The following TXLNB variants were observed in gnomAD, a reference collection of about 807,000 sequenced individuals.
The protein encoded by TXLNB is beta-taxilin.
In TXLNB, 37 loss-of-function variants were observed where a neutral mutation model predicts 57.4. The ratio of observed to expected loss-of-function variants is 0.64; its 90% CI spans 0.50 to 0.85. TXLNB has a LOEUF of 0.85. Among genes scored for constraint, TXLNB ranks in the 40% least tolerant of loss-of-function variants. The pLI is 0.00. For synonymous variants in TXLNB, 302 were observed against 309.6 expected (o/e 0.98, Z 0.26); for missense variants, 848 against 825.6 (o/e 1.03, Z -0.33).
At chr6:139,229,832 T>A in the TXLNB span, among the ~76,000 whole-genome samples, 1 of 152,338 alleles carries the variant, frequency 6.6e-6, no homozygotes, top group East Asian at 1.9e-4. Flanking sequence ...GTGGTTGGTC[T>A]TATTACCATT....
intron 2 of TXLNB, among the ~76,000 whole-genome samples, chr6:139,281,230 T>G (rs1318002952): frequency 6.6e-6 from 1 of 152,162 alleles, no homozygotes; most frequent in Non-Finnish European, 1.5e-5. Context: ...TTGATTTAGA[T>G]AACAATGAAA....
At chr6:139,185,632 C>T in the TXLNB span, among the ~76,000 whole-genome samples, 4 of 152,026 alleles carry the variant, frequency 2.6e-5, no homozygotes, top group African/African-American at 7.3e-5. Context: ...ACCCGGGAGG[C>T]GGAGCTTGCA....
At chr6:139,163,612 C>T in the TXLNB span, among the ~76,000 whole-genome samples, 4,254 of 152,202 alleles carry the variant, frequency 0.028, 78 homozygotes, top group East Asian at 0.054. Flanking sequence ...CCACGGCCTT[C>T]GAAAGTGCTG....
chr6:139,242,607 T>C lies in TXLNB; in HGVS notation c.1974A>G (p.Ala658=), dbSNP rs941888861. The part of the protein sequence containing the change: ...CEPSRQPPRA[A]AEELPVGASA... ...AGGCCCCTACTGGCAGCTCCTCTGC[T>C]GCTGCTCGTGGGGGCTGCCTACTGG... Residue 658 remains alanine (A), a synonymous_variant, in exon 10 of 10, where the codon GCA becomes GCG. Coordinates refer to ENST00000358430, the MANE Select transcript of TXLNB (RefSeq NM_153235.4). The C allele has an allele frequency of 2.5e-5, 40 of 1,585,070 alleles. No homozygotes were observed. The Admixed American group carries it at 7.1e-4, about 28-fold the overall frequency.
Position 139,289,417 on chromosome 6 carries a change from A to C in TXLNB, c.-14-504T>G, listed in dbSNP as rs545746807. ...TAAAAGGGACAAGAAATGCTCACTC[A>C]GGGAGCTCGGCTCTTGAGACAGGAG... is the stretch of plus-strand genomic sequence containing the variant. On this transcript the variant is annotated intron_variant, in intron 1 of 9. Transcript: ENST00000358430. Among the ~76,000 whole-genome samples, 4 of 152,332 alleles carry C rather than the reference A, an allele frequency of 2.6e-5. No individual in the cohort carries two copies. The South Asian group carries it at 8.3e-4, about 32-fold the overall frequency.
the TXLNB span, among the ~76,000 whole-genome samples, chr6:139,320,925 AT>A: frequency 6.6e-6 from 1 of 152,190 alleles, no homozygotes. Flanking sequence ...CAGTGGCCAT[AT>A]TCCACTCTAA....
chr6:139,217,893 A>G, the TXLNB span, among the ~76,000 whole-genome samples: 1 of 151,826 alleles, frequency 6.6e-6, no homozygotes, highest in East Asian at 1.9e-4. Flanking sequence ...AAAAAGAAAA[A>G]GAAATTTTAG....
chr6:139,250,440 C>T (rs1178247380), intron 7 of TXLNB, among the ~76,000 whole-genome samples: 4 of 149,628 alleles, frequency 2.7e-5, no homozygotes, highest in Non-Finnish European at 5.9e-5. Context: ...TGGGTCAGAC[C>T]TCTTGGTCTG....
chr6:139,247,986 T>A, intron 7 of TXLNB, 77 bp from the exon 8 acceptor site: 1 of 832,392 alleles, frequency 1.2e-6, no homozygotes, highest in Middle Eastern at 2.3e-4. Flanking sequence ...TTTAAAGGAA[T>A]TCTCAATATA....
the TXLNB span, among the ~76,000 whole-genome samples, chr6:139,315,960 A>G: frequency 6.6e-6 from 1 of 152,182 alleles, no homozygotes; most frequent in Non-Finnish European, 1.5e-5. Context: ...AATGATACAG[A>G]TTTCAATAAA....
chr6:139,243,034 G>T lies in TXLNB; in HGVS notation c.1547C>A (p.Thr516Asn). Residue 516 changes from threonine (T) to asparagine (N), a missense_variant, in exon 10 of 10, where the codon ACC becomes AAC. Transcript: ENST00000358430. ...AFMIIHHPES[T>N]PHQSKETQPE... ...TTGGGTTTCTTTGGACTGGTGCGGG[G>T]TTGACTCTGGATGATGAATTATCAT... The T allele has an allele frequency of 1.2e-6, 2 of 1,614,148 alleles. No homozygotes were observed. The highest frequency in any genetic ancestry group is 1.1e-5 in the South Asian group (1 of 91,084).
the TXLNB span, among the ~76,000 whole-genome samples, chr6:139,302,077 TA>T: frequency 6.6e-6 from 1 of 150,440 alleles, no homozygotes; most frequent in South Asian, 2.1e-4. Context: ...AAGCATATGA[TA>T]AAAAATGTAT....
the TXLNB span, among the ~76,000 whole-genome samples, chr6:139,323,754 T>C: frequency 6.6e-6 from 1 of 152,238 alleles, no homozygotes; most frequent in Non-Finnish European, 1.5e-5. Context: ...TCATAATTTC[T>C]GTTTCCTCTT....
downstream of TXLNB, among the ~76,000 whole-genome samples, chr6:139,238,348 C>A (rs1427252917): frequency 6.6e-6 from 1 of 152,146 alleles, no homozygotes; most frequent in African/African-American, 2.4e-5. Flanking sequence ...AAGCCGATAT[C>A]ACGCCACTGC....
the TXLNB span, among the ~76,000 whole-genome samples, chr6:139,318,037 A>G: frequency 1.9e-3 from 292 of 152,164 alleles, 2 homozygotes; most frequent in African/African-American, 6.8e-3. Flanking sequence ...TGGGAGGCCG[A>G]GGCAGATGGA....
Position 139,244,670 on chromosome 6 carries a change from C to T in TXLNB, c.1191G>A (p.Lys397=). 2 of 1,613,526 alleles carry T rather than the reference C, an allele frequency of 1.2e-6. No individual in the cohort carries two copies. Among genetic ancestry groups the T allele is most frequent in the South Asian group, 2.2e-5 (2 of 91,058 alleles). Residue 397 remains lysine (K), a synonymous_variant, in exon 9 of 10, where the codon AAG becomes AAA. Coordinates refer to ENST00000358430, the MANE Select transcript of TXLNB (RefSeq NM_153235.4). ...TCCATGTGGCTGTGTCCTTTTCCAG[C>T]TTCTTCATTTTCTTAGTTGTCTACA... The part of the protein sequence containing the change: ...EMDKTTKKMK[K]LEKDTATWKA...
chr6:139,187,709 G>A, the TXLNB span, among the ~76,000 whole-genome samples: 3 of 152,166 alleles, frequency 2.0e-5, no homozygotes, highest in African/African-American at 7.2e-5. Flanking sequence ...CCAGCTGCCA[G>A]CATTCATCTG....
chr6:139,159,324 T>G, the TXLNB span: 1 of 152,166 alleles, frequency 6.6e-6, no homozygotes, highest in Non-Finnish European at 1.5e-5. Context: ...CAAGGGGATT[T>G]GTTCCCACAT....
At chr6:139,272,133 C>T (rs1022147389) in intron 3 of TXLNB, among the ~76,000 whole-genome samples, 4 of 151,986 alleles carry the variant, frequency 2.6e-5, no homozygotes, top group African/African-American at 7.3e-5. Context: ...GTGGTGAAAC[C>T]CCATCTCTAC....
Sources: gnomAD v4.1 joint callset for allele counts (sites outside exome capture counted in the v4.1 genomes callset) on GRCh38, gnomAD v4.1.1 for gene constraint, MANE v1.5 for transcripts, NCBI Gene and HGNC (gene_info 2026-07-23, HGNC 2026-07-21) for gene names.